MAGI2: variants seen among roughly 807,000 people sequenced by gnomAD.
The protein encoded by MAGI2 is membrane-associated guanylate kinase, WW and PDZ domain-containing protein 2.
MAGI2 carries 35 observed loss-of-function variants against 133.3 expected under a neutral mutation model. The ratio of observed to expected loss-of-function variants is 0.26; its 90% CI spans 0.20 to 0.35. MAGI2 has a LOEUF of 0.35. Among genes scored for constraint, MAGI2 ranks in the 10% least tolerant of loss-of-function variants. MAGI2 has a pLI of 1.00. For missense variants in MAGI2, 1,636 were observed against 1,863.4 expected, an observed-to-expected ratio of 0.88 and a Z score of 2.25; for synonymous variants, 729 against 710.6, an observed-to-expected ratio of 1.03 and a Z score of -0.41.
chr7:78,331,849 C>A (rs899096398), intron 9 of MAGI2, among the ~76,000 whole-genome samples: 3 of 152,094 alleles, frequency 2.0e-5, no homozygotes, highest in African/African-American at 7.2e-5. Context: ...GGCCAGTGAG[C>A]CTTAGTGCAA....
chr7:78,404,584 A>T (rs1367345504), intron 6 of MAGI2, among the ~76,000 whole-genome samples: 1 of 152,214 alleles, frequency 6.6e-6, no homozygotes, highest in East Asian at 1.9e-4. Context: ...TTCCCTATTT[A>T]ATAAATGGTG....
At chr7:79,295,439 T>G (rs536510304) in intron 1 of MAGI2, among the ~76,000 whole-genome samples, 8 of 152,256 alleles carry the variant, frequency 5.3e-5, no homozygotes, top group African/African-American at 1.9e-4. Context: ...TAAATACAAC[T>G]TAGAGATTTT....
intron 2 of MAGI2, among the ~76,000 whole-genome samples, chr7:78,818,542 T>C (rs750397668): frequency 4.5e-4 from 69 of 152,318 alleles, no homozygotes; most frequent in Non-Finnish European, 8.7e-4. Flanking sequence ...ATTTTAATCC[T>C]AATATATTAC....
intron 1 of MAGI2, among the ~76,000 whole-genome samples, chr7:79,164,788 T>TA: frequency 6.6e-6 from 1 of 152,162 alleles, no homozygotes; most frequent in East Asian, 1.9e-4. Context: ...CATGCCTCCC[T>TA]AAAATGTATA....
chr7:78,530,287 T>A (rs1797353090), intron 3 of MAGI2, among the ~76,000 whole-genome samples: 1 of 152,192 alleles, frequency 6.6e-6, no homozygotes, highest in South Asian at 2.1e-4. Flanking sequence ...ACCTGTAAAA[T>A]GTTATTAAGC....
intron 2 of MAGI2, among the ~76,000 whole-genome samples, chr7:78,921,631 GTT>G (rs11300201): frequency 1.0e-4 from 15 of 145,840 alleles, no homozygotes; most frequent in African/African-American, 3.7e-4. Flanking sequence ...CTTTTCAACA[GTT>G]TTTTTTTTTT....
chr7:78,309,973 G>C (rs1168755796), intron 9 of MAGI2, among the ~76,000 whole-genome samples: 1 of 152,104 alleles, frequency 6.6e-6, no homozygotes, highest in African/African-American at 2.4e-5. Flanking sequence ...AGTAGTGGTA[G>C]CAACATTGGC....
chr7:78,805,919 A>G lies in MAGI2; in HGVS notation c.419-178680T>C, dbSNP rs185464831. Among the ~76,000 whole-genome samples the G allele has an allele frequency of 4.6e-5, 7 of 152,278 alleles. No individual in the cohort carries two copies. The East Asian group carries it at 9.7e-4, about 21-fold the overall frequency. On this transcript the variant is annotated intron_variant, in intron 2 of 21. Coordinates refer to ENST00000354212, the MANE Select transcript of MAGI2 (RefSeq NM_012301.4). ...AGCAGTCCTGGCAAACATCTTCCCT[A>G]CAACCTCATGAGAGGCCCCAAGCTA...
intron 6 of MAGI2, among the ~76,000 whole-genome samples, chr7:78,480,553 A>C (rs2150456218): frequency 6.6e-6 from 1 of 151,982 alleles, no homozygotes; most frequent in East Asian, 1.9e-4. Context: ...AGTTGGACTT[A>C]TCCCAGGTAT....
At chr7:79,076,809 T>C (rs1815505538) in intron 1 of MAGI2, among the ~76,000 whole-genome samples, 1 of 152,192 alleles carries the variant, frequency 6.6e-6, no homozygotes, top group Non-Finnish European at 1.5e-5. Flanking sequence ...TTTTTAAAGG[T>C]AAAATATTGT....
At chr7:78,725,694 G>C (rs1820708458) in intron 2 of MAGI2, among the ~76,000 whole-genome samples, 1 of 152,230 alleles carries the variant, frequency 6.6e-6, no homozygotes, top group African/African-American at 2.4e-5. Context: ...AGCTACTTGG[G>C]AGGCTGAGGC....
intron 1 of MAGI2, among the ~76,000 whole-genome samples, chr7:79,325,572 A>G (rs973805474): frequency 6.6e-6 from 1 of 152,200 alleles, no homozygotes; most frequent in African/African-American, 2.4e-5. Context: ...CAAGTTGTCC[A>G]TATTCTAAGG....
At chr7:78,072,364 T>C (rs930037267) in intron 21 of MAGI2, among the ~76,000 whole-genome samples, 8 of 152,212 alleles carry the variant, frequency 5.3e-5, no homozygotes, top group African/African-American at 1.9e-4. Context: ...TTTGAGACCT[T>C]TTTATGAGTC....
At chr7:78,450,815 G>T (rs1788648965) in intron 6 of MAGI2, among the ~76,000 whole-genome samples, 1 of 152,046 alleles carries the variant, frequency 6.6e-6, no homozygotes, top group Non-Finnish European at 1.5e-5. Context: ...TTGTTTTCTA[G>T]CATGGGCAGT....
intron 2 of MAGI2, among the ~76,000 whole-genome samples, chr7:78,716,300 T>C (rs1321534772): frequency 6.6e-6 from 1 of 152,242 alleles, no homozygotes; most frequent in African/African-American, 2.4e-5. Flanking sequence ...TATTATAGTG[T>C]ATGCATGTAT....
intron 2 of MAGI2, among the ~76,000 whole-genome samples, chr7:78,969,736 G>A (rs1218694207): frequency 1.3e-5 from 2 of 152,084 alleles, no homozygotes; most frequent in East Asian, 3.9e-4. Flanking sequence ...TTTAGAAAAA[G>A]CAGTTGACTC....
intron 9 of MAGI2, among the ~76,000 whole-genome samples, chr7:78,259,852 A>G (rs1793347067): frequency 6.6e-6 from 1 of 152,164 alleles, no homozygotes; most frequent in Admixed American, 6.5e-5. Flanking sequence ...TTTGAATTGT[A>G]GTGATTAATG....
chr7:79,322,823 T>G (rs117160499), intron 1 of MAGI2, among the ~76,000 whole-genome samples: 4,613 of 151,432 alleles, frequency 0.03, 93 homozygotes, highest in Non-Finnish European at 0.047. Flanking sequence ...AAGTCCTATG[T>G]GGATGAAATG....
At chr7:78,151,842 C>T (rs1048787405) in intron 16 of MAGI2, among the ~76,000 whole-genome samples, 1 of 152,064 alleles carries the variant, frequency 6.6e-6, no homozygotes, top group Non-Finnish European at 1.5e-5. Flanking sequence ...GGTTTGGGTG[C>T]GGAGTAACTT....
Sources: gnomAD v4.1 joint callset for allele counts (sites outside exome capture counted in the v4.1 genomes callset) on GRCh38, gnomAD v4.1.1 for gene constraint, MANE v1.5 for transcripts, NCBI Gene and HGNC (gene_info 2026-07-23, HGNC 2026-07-21) for gene names.